SPTLC2: variants seen among roughly 807,000 people sequenced by gnomAD.
SPTLC2 encodes serine palmitoyltransferase 2.
In SPTLC2, 21 loss-of-function variants were observed where a neutral mutation model predicts 62.0. The observed-to-expected ratio is 0.34, with a 90% CI of 0.24 to 0.49. SPTLC2 has a LOEUF of 0.49. Ranked by LOEUF, SPTLC2 falls within the 20% of genes least tolerant of loss-of-function variation. SPTLC2 has a pLI of 0.99. For missense variants in SPTLC2, 511 were observed against 713.0 expected (o/e 0.72, Z 3.23); for synonymous variants, 261 against 261.8 (o/e 1.00, Z 0.03).
intron 5 of SPTLC2, among the ~76,000 whole-genome samples, chr14:77,568,169 G>A (rs954356616): frequency 3.9e-5 from 6 of 152,004 alleles, no homozygotes; most frequent in African/African-American, 1.5e-4. Context: ...TTTCCATTTA[G>A]TTCAAAATAT....
At chr14:77,597,717 T>A (rs1432317611) in intron 1 of SPTLC2, among the ~76,000 whole-genome samples, 1 of 146,186 alleles carries the variant, frequency 6.8e-6, no homozygotes, top group African/African-American at 2.6e-5. Context: ...GAGGCTGCAG[T>A]AAGCCAAGAT....
intron 7 of SPTLC2, 37 bp from the exon 8 acceptor site, chr14:77,555,556 AC>A: frequency 6.3e-7 from 1 of 1,587,794 alleles, no homozygotes; most frequent in Non-Finnish European, 8.6e-7. Flanking sequence ...ATACACATAT[AC>A]ACTGAGACTT....
rs761038205 is a variant in SPTLC2 at position 77,557,086 on chromosome 14, C to T, written c.911G>A (p.Arg304Gln). The T allele has an allele frequency of 5.4e-5, 87 of 1,613,876 alleles. No individual in the cohort carries two copies. Among genetic ancestry groups the T allele is most frequent in the Middle Eastern group, 1.6e-4 (1 of 6,084 alleles). The change falls in exon 7 of 12, where the codon CGA (arginine) becomes CAA (glutamine). Residue 304 changes from arginine to glutamine, a missense_variant. By Grantham distance (43) the Arg-to-Gln change is conservative. Coordinates refer to ENST00000216484, the MANE Select transcript of SPTLC2 (RefSeq NM_004863.4). ...DAIVYGQPRTRRPWKKILILV... is the reference protein window; with the variant it reads ...DAIVYGQPRTQRPWKKILILV... ...GATGAGAATTTTCTTCCAGGGCCTT[C>T]GTGTCCGAGGCTGACCATAAACAAT...
chr14:77,591,398 T>C (rs536696719), intron 2 of SPTLC2, among the ~76,000 whole-genome samples: 1 of 152,252 alleles, frequency 6.6e-6, no homozygotes, highest in African/African-American at 2.4e-5. Context: ...ATTACAAAAT[T>C]AAATTGTGGT....
chr14:77,527,288 G>T (rs1483226250), intron 9 of SPTLC2, among the ~76,000 whole-genome samples: 1 of 151,980 alleles, frequency 6.6e-6, no homozygotes, highest in Non-Finnish European at 1.5e-5. Flanking sequence ...AGTAGAGACA[G>T]GGCTTCACTT....
intron 1 of SPTLC2, among the ~76,000 whole-genome samples, chr14:77,608,274 C>T (rs176894): frequency 0.88 from 134,219 of 152,268 alleles, 59,575 homozygotes; most frequent in East Asian, 1. Flanking sequence ...AATTAGGCTA[C>T]GGGTTTCTTT....
At chr14:77,553,955 C>T (rs2079569491) in intron 8 of SPTLC2, among the ~76,000 whole-genome samples, 1 of 151,972 alleles carries the variant, frequency 6.6e-6, no homozygotes, top group Non-Finnish European at 1.5e-5. Context: ...GTTGGGACTA[C>T]AGGCATGTGC....
intron 9 of SPTLC2, among the ~76,000 whole-genome samples, chr14:77,531,020 C>T (rs1046087998): frequency 5.9e-5 from 9 of 152,188 alleles, no homozygotes; most frequent in Non-Finnish European, 1.3e-4. Context: ...CTTCAGTCTA[C>T]TACATCATGC....
intron 2 of SPTLC2, among the ~76,000 whole-genome samples, chr14:77,587,048 A>T (rs1481267113): frequency 6.6e-6 from 1 of 152,052 alleles, no homozygotes; most frequent in Non-Finnish European, 1.5e-5. Context: ...ACACAGTGAA[A>T]CCCGTCTGTA....
intron 1 of SPTLC2, among the ~76,000 whole-genome samples, chr14:77,610,870 ACT>A (rs1004611419): frequency 6.0e-5 from 9 of 149,798 alleles, no homozygotes; most frequent in Non-Finnish European, 8.9e-5. Context: ...ACATAGTGAG[ACT>A]CTGTCTCCCT....
At chr14:77,591,935 G>A (rs11850680) in intron 2 of SPTLC2, among the ~76,000 whole-genome samples, 3,652 of 152,020 alleles carry the variant, frequency 0.024, 142 homozygotes, top group African/African-American at 0.084. Context: ...ATGTTGGTCA[G>A]GCTGGTCTCA....
intron 9 of SPTLC2, among the ~76,000 whole-genome samples, chr14:77,539,483 C>CTTTTTTTT (rs71128638): frequency 1.5e-4 from 8 of 53,480 alleles, no homozygotes; most frequent in African/African-American, 1.8e-4. Flanking sequence ...TCTTAAGAGG[C>CTTTTTTTT]TTTTTTTTTT....
intron 9 of SPTLC2, among the ~76,000 whole-genome samples, chr14:77,549,424 T>A (rs902939154): frequency 6.6e-6 from 1 of 152,138 alleles, no homozygotes. Context: ...ACAGTCACGA[T>A]GTCATGAGGA....
At chr14:77,587,804 G>A (rs2079790750) in intron 2 of SPTLC2, among the ~76,000 whole-genome samples, 1 of 133,396 alleles carries the variant, frequency 7.5e-6, no homozygotes, top group Non-Finnish European at 1.7e-5. Context: ...AATGCTGTTT[G>A]CTGGTATGAT....
intron 9 of SPTLC2, among the ~76,000 whole-genome samples, chr14:77,550,901 C>T (rs2079552046): frequency 8.4e-6 from 1 of 119,154 alleles, no homozygotes. Context: ...AAGACTCTGT[C>T]TCAAAAACAA....
rs2079312642 is a variant in SPTLC2, at chr14:77,507,734, TG to T, written c.*4549del. 6.6e-6 allele frequency: 1 copy of T among 152,170 alleles called. No individual in the cohort carries two copies. The highest frequency in any genetic ancestry group is 1.5e-5 in the Non-Finnish European group (1 of 68,040). The allele number at this position is 152,170 out of a possible 1,614,324, so 9.4% of individuals were successfully genotyped here. ...TGGTTTAATGTATTAAGATGGCTGC[TG>T]GGCACTGAGCATCCACGTGAAGCAA... On this transcript the variant is annotated 3_prime_UTR_variant, in exon 12 of 12. Transcript: ENST00000216484.
intron 2 of SPTLC2, among the ~76,000 whole-genome samples, chr14:77,588,527 CAA>C (rs35307713): frequency 1.5e-4 from 19 of 130,650 alleles, no homozygotes; most frequent in South Asian, 2.4e-4. Context: ...CCTGTCTCTA[CAA>C]AAAAAAAAAA....
At chr14:77,588,036 G>A (rs1312780361) in intron 2 of SPTLC2, among the ~76,000 whole-genome samples, 1 of 152,008 alleles carries the variant, frequency 6.6e-6, no homozygotes, top group Non-Finnish European at 1.5e-5. Flanking sequence ...TTGGACTCAA[G>A]CTATCTCCCC....
intron 9 of SPTLC2, among the ~76,000 whole-genome samples, chr14:77,522,671 T>C (rs890128875): frequency 8.5e-5 from 13 of 152,238 alleles, no homozygotes; most frequent in African/African-American, 3.1e-4. Context: ...AACTGTTCTG[T>C]TATACAGAGC....
Sources: allele counts gnomAD v4.1 joint callset (sites outside exome capture counted in the v4.1 genomes callset), GRCh38; gene constraint gnomAD v4.1.1; transcripts MANE v1.5; gene names NCBI Gene and HGNC (gene_info 2026-07-23, HGNC 2026-07-21).